SLC7A2: variants seen among roughly 807,000 people sequenced by gnomAD.
SLC7A2 encodes solute carrier family 7 member 2.
Under a neutral mutation model 58.9 loss-of-function variants are expected in SLC7A2, and 48 were observed. That is an observed-to-expected ratio of 0.82 (90% confidence interval 0.65 to 1.04). SLC7A2 has a LOEUF of 1.04. Ranked by LOEUF, SLC7A2 falls within the 50% of genes least tolerant of loss-of-function variation. SLC7A2 has a pLI of 0.00. For synonymous variants in SLC7A2, 363 were observed against 314.5 expected (o/e 1.15, Z -1.63); for missense variants, 1,029 against 818.8 (o/e 1.26, Z -3.13).
intron 2 of SLC7A2, among the ~76,000 whole-genome samples, chr8:17,536,124 A>T (rs1167221705): frequency 7.0e-6 from 1 of 142,666 alleles, no homozygotes; most frequent in Non-Finnish European, 1.5e-5. Context: ...AAAAAAAAAA[A>T]GTTTTAAATG....
chr8:17,551,161 T>C (rs887267097), intron 6 of SLC7A2, among the ~76,000 whole-genome samples: 1 of 152,224 alleles, frequency 6.6e-6, no homozygotes, highest in African/African-American at 2.4e-5. Flanking sequence ...AGTGCTGCTA[T>C]GTTACGGGTT....
intron 12 of SLC7A2, 59 bp downstream of exon 12, chr8:17,563,770 T>C (rs2588173): frequency 0.87 from 843,203 of 974,404 alleles, 365,999 homozygotes; most frequent in Middle Eastern, 0.96. Flanking sequence ...GAGAGAAACA[T>C]GCCCTCTCCC....
chr8:17,562,108 A>G lies in SLC7A2; in HGVS notation c.1669A>G (p.Met557Val), dbSNP rs769160123. The G allele has an allele frequency of 2.5e-6, 4 of 1,604,634 alleles. No individual in the cohort carries two copies. The highest frequency in any genetic ancestry group is 3.4e-5 in the Admixed American group (2 of 59,514). ...CCAGAATCAGCAAAAAGTAGCCTTCATGGTATGTGTAATGAGGATTAGAGA... is the reference window on the plus strand; with the variant it reads ...CCAGAATCAGCAAAAAGTAGCCTTCGTGGTATGTGTAATGAGGATTAGAGA... ...QPQNQQKVAF[M>V]VPFLPFLPAF... Residue 557 changes from methionine to valine, a missense_variant and splice_region_variant, in exon 11 of 13, where the codon ATG becomes GTG. By Grantham distance (21) the Met-to-Val change is conservative. Transcript: ENST00000494857.
chr8:17,497,873 C>T (rs1445359292), intron 1 of SLC7A2, among the ~76,000 whole-genome samples: 2 of 152,158 alleles, frequency 1.3e-5, no homozygotes, highest in African/African-American at 4.8e-5. Flanking sequence ...AAGCCCGTTT[C>T]ATGAAACGCT....
chr8:17,562,092 G>A lies in SLC7A2; in HGVS notation c.1653G>A (p.Gln551=), dbSNP rs775850735. The change falls in exon 11 of 13, where the codon CAG becomes CAA. Residue 551 remains glutamine, a synonymous_variant. Coordinates refer to ENST00000494857, the MANE Select transcript of SLC7A2 (RefSeq NM_001370338.1). ...CCATCTGGAGGCAGCCCCAGAATCA[G>A]CAAAAAGTAGCCTTCATGGTATGTG... is the stretch of plus-strand genomic sequence containing the variant. ...VLTIWRQPQN[Q]QKVAFMVPFL... The A allele has an allele frequency of 2.5e-6, 4 of 1,606,644 alleles. No homozygotes were observed. The highest frequency in any genetic ancestry group is 3.4e-6 in the Non-Finnish European group (4 of 1,176,752).
In SLC7A2 at chr8:17,548,841, C is replaced by A; in HGVS notation, c.696C>A (p.Ala232=). The A allele has an allele frequency of 1.3e-6, 2 of 1,559,508 alleles. No homozygotes were observed. The highest frequency in any genetic ancestry group is 8.6e-7 in the Non-Finnish European group (1 of 1,163,522). ...EEFLKNISAS[A]REPPSENGTS... ...TTCTCAAAAATATATCAGCAAGTGCCAGGTAAAATATTTGAGGTTTTTTTT... is the reference window on the plus strand; with the variant it reads ...TTCTCAAAAATATATCAGCAAGTGCAAGGTAAAATATTTGAGGTTTTTTTT... Residue 232 remains alanine (A), a splice_region_variant and synonymous_variant, in exon 5 of 13, where the codon GCC becomes GCA. Transcript: ENST00000494857.
intron 2 of SLC7A2, among the ~76,000 whole-genome samples, chr8:17,517,020 C>A (rs1800831034): frequency 2.6e-5 from 4 of 152,170 alleles, no homozygotes. Flanking sequence ...GTTGCAGAAG[C>A]AGGCTTGTGC....
In SLC7A2 at chr8:17,507,885, A is replaced by G. The variant is rs1033719517; in HGVS notation, c.-23+5583A>G. Among the ~76,000 whole-genome samples the G allele has an allele frequency of 3.9e-5, 6 of 152,194 alleles. No homozygotes were observed. The East Asian group carries it at 5.8e-4, about 15-fold the overall frequency. Reference sequence around the variant, plus strand: ...TTTTAGATTTTGAAATTTCTTGGAAATTAATATATTTGGATAAGCTATTTT... The same window carrying G: ...TTTTAGATTTTGAAATTTCTTGGAAGTTAATATATTTGGATAAGCTATTTT... On this transcript the variant is annotated intron_variant, in intron 2 of 12. Coordinates refer to ENST00000494857, the MANE Select transcript of SLC7A2 (RefSeq NM_001370338.1).
chr8:17,544,898 G>T (rs1039144608), intron 4 of SLC7A2, among the ~76,000 whole-genome samples: 1 of 152,192 alleles, frequency 6.6e-6, no homozygotes, highest in African/African-American at 2.4e-5. Flanking sequence ...AGGTTTGCAG[G>T]AATAGCGGTG....
chr8:17,522,253 A>G (rs895142610), intron 2 of SLC7A2, among the ~76,000 whole-genome samples: 2 of 152,178 alleles, frequency 1.3e-5, no homozygotes, highest in Non-Finnish European at 2.9e-5. Context: ...TTATAAAACC[A>G]TCAAATCTCG....
chr8:17,536,122 AAAG>A (rs1169506959), intron 2 of SLC7A2, among the ~76,000 whole-genome samples: 2 of 151,946 alleles, frequency 1.3e-5, no homozygotes, highest in African/African-American at 2.4e-5. Context: ...AAAAAAAAAA[AAAG>A]TTTTAAATGT....
chr8:17,518,548 C>T (rs779835485), intron 2 of SLC7A2, among the ~76,000 whole-genome samples: 1 of 152,174 alleles, frequency 6.6e-6, no homozygotes, highest in South Asian at 2.1e-4. Flanking sequence ...AAATTCTGAG[C>T]TCTGGAAAAA....
chr8:17,519,648 CT>C (rs1295795736), intron 2 of SLC7A2, among the ~76,000 whole-genome samples: 1 of 152,162 alleles, frequency 6.6e-6, no homozygotes, highest in African/African-American at 2.4e-5. Flanking sequence ...GCTCCCTAGT[CT>C]TTGCTTCAAA....
intron 4 of SLC7A2, among the ~76,000 whole-genome samples, chr8:17,548,082 T>C (rs1285007958): frequency 1.3e-5 from 2 of 152,234 alleles, no homozygotes; most frequent in Non-Finnish European, 2.9e-5. Flanking sequence ...CTTAAGTGCC[T>C]GTAATTCCAG....
chr8:17,541,405 G>A lies in SLC7A2; in HGVS notation c.-22-1913G>A, dbSNP rs377578586. On this transcript the variant is annotated intron_variant, in intron 2 of 12. Coordinates refer to ENST00000494857, the MANE Select transcript of SLC7A2 (RefSeq NM_001370338.1). Reference sequence around the variant, plus strand: ...TATGGGCAAAACTGGAGATGTCAACGTCTTTGCAGATTTTCCCATAAGCAT... The same window carrying A: ...TATGGGCAAAACTGGAGATGTCAACATCTTTGCAGATTTTCCCATAAGCAT... 1.5e-4 allele frequency among the ~76,000 whole-genome samples: 23 copies of A among 152,308 alleles called. No homozygotes were observed. The South Asian group carries it at 2.9e-3, about 19-fold the overall frequency.
rs981420062 is a variant in SLC7A2 at position 17,568,254 on chromosome 8, A to G, written c.*3108A>G. 1 of 152,100 alleles carries G rather than the reference A, an allele frequency of 6.6e-6. No homozygotes were observed. Among genetic ancestry groups the G allele is most frequent in the African/African-American group, 2.4e-5 (1 of 41,444 alleles). The allele number at this position is 152,100 out of a possible 1,614,324, so 9.4% of individuals were successfully genotyped here. A position where few individuals can be genotyped will look rare whatever the true frequency, so the allele number is the denominator to read the frequency against. ...TCAAATTTTATACTCTTAAAAAAAA[A>G]CAATAATTTGTGAATTACCACCAAA... On this transcript the variant is annotated 3_prime_UTR_variant, in exon 13 of 13. Coordinates refer to ENST00000494857, the MANE Select transcript of SLC7A2 (RefSeq NM_001370338.1).
chr8:17,519,322 G>A (rs756714831), intron 2 of SLC7A2, among the ~76,000 whole-genome samples: 11 of 152,172 alleles, frequency 7.2e-5, no homozygotes, highest in Non-Finnish European at 5.9e-5. Flanking sequence ...GCTCTCAGTA[G>A]TAGCAGCAGA....
chr8:17,558,173 G>A, intron 8 of SLC7A2, 122 bp from the exon 9 acceptor site: 1 of 649,456 alleles, frequency 1.5e-6, no homozygotes, highest in East Asian at 2.6e-5. Flanking sequence ...TCTACACTCT[G>A]GTTGACTTAT....
intron 2 of SLC7A2, among the ~76,000 whole-genome samples, chr8:17,536,953 G>A (rs1017627233): frequency 6.6e-6 from 1 of 152,182 alleles, no homozygotes; most frequent in African/African-American, 2.4e-5. Flanking sequence ...CAAGGCCTGG[G>A]GGGACAGAAA....
Sources: gnomAD v4.1 joint callset for allele counts (sites outside exome capture counted in the v4.1 genomes callset) on GRCh38, gnomAD v4.1.1 for gene constraint, MANE v1.5 for transcripts, NCBI Gene and HGNC (gene_info 2026-07-23, HGNC 2026-07-21) for gene names.